The following ITGA11 variants were observed in gnomAD, a reference collection of about 807,000 sequenced individuals.
ITGA11 encodes the protein integrin subunit alpha 11, also known as integrin alpha-11.
Under a neutral mutation model 141.9 loss-of-function variants are expected in ITGA11, and 97 were observed. The ratio of observed to expected loss-of-function variants is 0.68; its 90% CI spans 0.58 to 0.81. The LOEUF (loss-of-function observed/expected upper bound fraction) is 0.81. ITGA11 is among the 30% of genes least tolerant of loss of function. ITGA11 has a pLI of 0.00. For synonymous variants in ITGA11, 658 were observed against 624.6 expected, an observed-to-expected ratio of 1.05 and a Z score of -0.80; for missense variants, 1,387 against 1,559.2, an observed-to-expected ratio of 0.89 and a Z score of 1.86.
chr15:68,309,698 G>T (rs1893315866), intron 26 of ITGA11, among the ~76,000 whole-genome samples: 1 of 148,882 alleles, frequency 6.7e-6, no homozygotes, highest in Non-Finnish European at 1.5e-5. Flanking sequence ...AGGTTCAAGA[G>T]ATTCTCTTGC....
Position 68,400,825 on chromosome 15 carries a change from T to C in ITGA11, c.164+2093A>G. ...TAATAAATATTATAATATTATATAT[T>C]ATATAATAAATATTATATTATATAT... is the stretch of plus-strand genomic sequence containing the variant. On this transcript the variant is annotated intron_variant, in intron 2 of 29. Transcript: ENST00000315757. Among the ~76,000 whole-genome samples, 2 of 71,742 alleles carry C rather than the reference T, an allele frequency of 2.8e-5. 1 individual carries two copies. The highest frequency in any genetic ancestry group is 8.2e-4 in the South Asian group (2 of 2,446). The allele number at this position is 71,742 out of a possible 152,430, so 47.1% of individuals were successfully genotyped here. A position where few individuals can be genotyped will look rare whatever the true frequency, so the allele number is the denominator to read the frequency against.
chr15:68,376,847 T>C (rs1440592733), intron 2 of ITGA11, among the ~76,000 whole-genome samples: 2 of 152,218 alleles, frequency 1.3e-5, no homozygotes, highest in African/African-American at 4.8e-5. Context: ...GAGGTACAAA[T>C]GCAGGTTCCT....
At chr15:68,317,437 C>G (rs906005007) in intron 20 of ITGA11, 74 bp from the exon 21 acceptor site, 1 of 993,396 alleles carries the variant, frequency 1.0e-6, no homozygotes, top group Non-Finnish European at 1.6e-6. Context: ...TCCCTCACCC[C>G]CAGCCTGCAC....
At position 68,419,642 on chromosome 15, in the gene ITGA11, A is replaced by G. The variant is rs546330105; in HGVS notation, c.52+12373T>C. 6.6e-5 allele frequency among the ~76,000 whole-genome samples: 10 copies of G among 152,368 alleles called. No homozygotes were observed. The South Asian group carries it at 2.1e-3, about 32-fold the overall frequency. ...TGAGGTTCTGGCTCAGGAAATGTTC[A>G]TGGCAGCATGGAAGCATAGCCCCTA... On this transcript the variant is annotated intron_variant, in intron 1 of 29. Coordinates refer to ENST00000315757, the MANE Select transcript of ITGA11 (RefSeq NM_001004439.2).
intron 3 of ITGA11, chr15:68,365,055 T>A: frequency 1.2e-6 from 1 of 826,240 alleles, no homozygotes; most frequent in Non-Finnish European, 1.5e-6. Flanking sequence ...CACCGAGCCT[T>A]CTATCTCCTA....
At chr15:68,323,914 G>A (rs1220221040) in intron 18 of ITGA11, among the ~76,000 whole-genome samples, 2 of 152,154 alleles carry the variant, frequency 1.3e-5, no homozygotes, top group South Asian at 2.1e-4. Flanking sequence ...CACCTTGCAC[G>A]GAGATCGTCG....
At chr15:68,409,935 C>T (rs1009564475) in intron 1 of ITGA11, among the ~76,000 whole-genome samples, 10 of 152,190 alleles carry the variant, frequency 6.6e-5, no homozygotes, top group African/African-American at 9.7e-5. Context: ...CAGACACCAC[C>T]GACCGTCGTC....
chr15:68,386,551 C>T lies in ITGA11; in HGVS notation c.164+16367G>A, dbSNP rs541689397. Among the ~76,000 whole-genome samples the T allele has an allele frequency of 5.9e-5, 9 of 152,254 alleles. No individual in the cohort carries two copies. The South Asian group carries it at 1.2e-3, about 21-fold the overall frequency. ...ATGGCTGAGGGCGATGAGAGTGAGG[C>T]TTAAAATGCTCCCTTTTTCCCAAGA... On this transcript the variant is annotated intron_variant, in intron 2 of 29. Coordinates refer to ENST00000315757, the MANE Select transcript of ITGA11 (RefSeq NM_001004439.2).
intron 2 of ITGA11, among the ~76,000 whole-genome samples, chr15:68,382,260 G>A (rs553896943): frequency 3.1e-4 from 47 of 152,194 alleles, no homozygotes; most frequent in South Asian, 1.5e-3. Flanking sequence ...TCATTGGCTC[G>A]GCAGTTGGAA....
intron 2 of ITGA11, among the ~76,000 whole-genome samples, chr15:68,399,827 A>G (rs572285219): frequency 3.3e-5 from 5 of 152,252 alleles, no homozygotes; most frequent in Non-Finnish European, 5.9e-5. Flanking sequence ...GGAGAGAACA[A>G]GAGTTGAAAA....
rs575656366 is a variant in ITGA11 at position 68,421,560 on chromosome 15, G to A, written c.52+10455C>T. On this transcript the variant is annotated intron_variant, in intron 1 of 29. Coordinates refer to ENST00000315757, the MANE Select transcript of ITGA11 (RefSeq NM_001004439.2). The stretch of plus-strand genomic sequence containing the variant: ...ATGCAAGGAGGCCAGTGAGGGGGCT[G>A]TGGCCACAGGCCATGGGAGCTTTTC... Among the ~76,000 whole-genome samples the A allele has an allele frequency of 2.5e-3, 376 of 152,292 alleles. 4 individuals are homozygous for A. Among genetic ancestry groups the A allele is most frequent in the African/African-American group, 8.7e-3 (361 of 41,556 alleles).
intron 1 of ITGA11, among the ~76,000 whole-genome samples, chr15:68,417,830 G>A (rs946052729): frequency 2.0e-5 from 3 of 152,208 alleles, no homozygotes; most frequent in African/African-American, 7.2e-5. Flanking sequence ...TAACGCCATG[G>A]CCTCTGAGAA....
chr15:68,403,150 A>G, intron 1 of ITGA11, 121 bp from the exon 2 acceptor site: 1 of 673,390 alleles, frequency 1.5e-6, no homozygotes, highest in Non-Finnish European at 2.7e-6. Context: ...CTGTGGGACA[A>G]GCATGTTTCC....
rs1003052388 is a variant in ITGA11 at position 68,305,019 on chromosome 15, C to A, written c.3382-1134G>T. ...CTAACGAGGAAGGCAGGCTTATGCTCTGCTCTGCTCTGCTCAAGCTCAAAG... is the reference window on the plus strand; with the variant it reads ...CTAACGAGGAAGGCAGGCTTATGCTATGCTCTGCTCTGCTCAAGCTCAAAG... On this transcript the variant is annotated intron_variant, in intron 28 of 29. Transcript: ENST00000315757. The surrounding 1 kb of genome is among the most constrained non-coding windows in gnomAD (Gnocchi z 4.6). Among the ~76,000 whole-genome samples, 35 of 152,326 alleles carry A rather than the reference C, an allele frequency of 2.3e-4. No homozygotes were observed. Among genetic ancestry groups the A allele is most frequent in the African/African-American group, 8.4e-4 (35 of 41,588 alleles).
chr15:68,393,644 A>G (rs1896168263), intron 2 of ITGA11, among the ~76,000 whole-genome samples: 1 of 152,204 alleles, frequency 6.6e-6, no homozygotes, highest in Admixed American at 6.5e-5. Context: ...AGACAAACGA[A>G]CAAAAACAAA....
intron 2 of ITGA11, among the ~76,000 whole-genome samples, chr15:68,391,730 A>G (rs186546555): frequency 6.6e-6 from 1 of 152,330 alleles, no homozygotes; most frequent in African/African-American, 2.4e-5. Context: ...ACCAGGTCAT[A>G]TTTGACTTGC....
rs778744480 is a variant in ITGA11, at chr15:68,350,651, G to A, written c.1026C>T (p.Val342=). 61 of 1,613,698 alleles carry A rather than the reference G, an allele frequency of 3.8e-5. No individual in the cohort carries two copies. Among genetic ancestry groups the A allele is most frequent in the Middle Eastern group, 1.6e-4 (1 of 6,084 alleles). Residue 342 remains valine, a synonymous_variant, in exon 9 of 30, where the codon GTC becomes GTT. Coordinates refer to ENST00000315757, the MANE Select transcript of ITGA11 (RefSeq NM_001004439.2). ...TGAAGATTCTGTCCCCCAGGGCATC[G>A]ACAATGTCCTTCAAGGCAGCCTCAT... is the stretch of plus-strand genomic sequence containing the variant. ...VTDEAALKDI[V]DALGDRIFSL... is the part of the protein sequence containing the mutation.
intron 5 of ITGA11, among the ~76,000 whole-genome samples, chr15:68,361,009 G>A (rs945954359): frequency 7.2e-5 from 11 of 152,156 alleles, no homozygotes; most frequent in African/African-American, 2.7e-4. Context: ...CTGGGCTTGT[G>A]GGAGGCAGGG....
rs1897282813 is a variant in ITGA11, at chr15:68,432,089, T to G, written c.-23A>C. 2 of 1,365,160 alleles carry G rather than the reference T, an allele frequency of 1.5e-6. No individual in the cohort carries two copies. The highest frequency in any genetic ancestry group is 1.9e-6 in the Non-Finnish European group (2 of 1,061,700). The allele number at this position is 1,365,160 out of a possible 1,614,324, so 84.6% of individuals were successfully genotyped here. On this transcript the variant is annotated 5_prime_UTR_variant, in exon 1 of 30. Transcript: ENST00000315757. ...CATGGCCCGCGGCACGGCGGCTGGG[T>G]CCGGTGTGCAGCGGCGGCGGGGGGC...
Sources: allele counts gnomAD v4.1 joint callset (sites outside exome capture counted in the v4.1 genomes callset), GRCh38; gene constraint gnomAD v4.1.1; non-coding constraint Gnocchi (gnomAD v3.1); transcripts MANE v1.5; gene names NCBI Gene and HGNC (gene_info 2026-07-23, HGNC 2026-07-21).